Variants in TNKS2 observed in about 807,000 individuals in gnomAD.
The protein encoded by TNKS2 is poly [ADP-ribose] polymerase tankyrase-2.
TNKS2 carries 72 observed loss-of-function variants against 137.6 expected under a neutral mutation model. That is an observed-to-expected ratio of 0.52 (90% CI 0.43 to 0.64). TNKS2 has a LOEUF of 0.64. Among genes scored for constraint, TNKS2 ranks in the 30% least tolerant of loss-of-function variants. The probability of loss-of-function intolerance (pLI) is 0.00; values close to 1 mark genes in which losing one functional copy is unlikely to be tolerated. For synonymous variants in TNKS2, 516 were observed against 512.1 expected, an observed-to-expected ratio of 1.01 and a Z score of -0.10; for missense variants, 1,049 against 1,410.2, an observed-to-expected ratio of 0.74 and a Z score of 4.10.
Position 91,822,178 on chromosome 10 carries a change from C to T in TNKS2, c.729-118C>T, listed in dbSNP as rs538535223. 323 of 757,698 alleles carry T rather than the reference C, an allele frequency of 4.3e-4. 1 individual carries two copies. In the East Asian group the frequency reaches 8.3e-3, roughly 19 times the overall value. 46.9% of individuals were successfully genotyped at this position (757,698 alleles called of 1,614,324 possible). A position where few individuals can be genotyped will look rare whatever the true frequency, so the allele number is the denominator to read the frequency against. ...TAAATTTTGAACATTTTTATTAGAACATCACATAATCCATTTGCTATTTAA... is the reference window on the plus strand; with the variant it reads ...TAAATTTTGAACATTTTTATTAGAATATCACATAATCCATTTGCTATTTAA... On this transcript the variant is annotated intron_variant, in intron 6 of 26. Coordinates refer to ENST00000371627, the MANE Select transcript of TNKS2 (RefSeq NM_025235.4).
At position 91,855,011 on chromosome 10, in the gene TNKS2, T is replaced by C. The variant is rs1220251524; in HGVS notation, c.2816-18T>C. 4 of 1,415,694 alleles carry C rather than the reference T, an allele frequency of 2.8e-6. No homozygotes were observed. The highest frequency in any genetic ancestry group is 3.9e-6 in the Non-Finnish European group (4 of 1,014,144). The allele number at this position is 1,415,694 out of a possible 1,614,324, so 87.7% of individuals were successfully genotyped here. A position where few individuals can be genotyped will look rare whatever the true frequency, so the allele number is the denominator to read the frequency against. ...TTATTGGCAATTTATTTTTCTACCT[T>C]CAAATTTTGTTTCATAGGTCTTAAC... is the stretch of plus-strand genomic sequence containing the variant. On this transcript the variant is annotated intron_variant, in intron 21 of 26. Coordinates refer to ENST00000371627, the MANE Select transcript of TNKS2 (RefSeq NM_025235.4).
chr10:91,842,137 A>G, intron 15 of TNKS2, 35 bp from the exon 16 acceptor site: 3 of 1,510,010 alleles, frequency 2.0e-6, no homozygotes, highest in Non-Finnish European at 2.7e-6. Context: ...CATTTAAGCC[A>G]TTTCCCCCTT....
chr10:91,858,971 T>C (rs1340729098), intron 24 of TNKS2, among the ~76,000 whole-genome samples: 1 of 151,828 alleles, frequency 6.6e-6, no homozygotes, highest in South Asian at 2.1e-4. Flanking sequence ...ATCATGCCAC[T>C]GCACTCCAGC....
intron 3 of TNKS2, among the ~76,000 whole-genome samples, chr10:91,818,399 C>T (rs181181080): frequency 6.1e-4 from 92 of 152,008 alleles, no homozygotes; most frequent in African/African-American, 2.1e-3. Flanking sequence ...ATATTAGTGT[C>T]AAAAAATCTA....
In TNKS2 at chr10:91,862,950, A is replaced by G; in HGVS notation, c.3452A>G (p.Tyr1151Cys). ...TTTCTCTTCCAGGCTTATCCTGAGT[A>G]TTTAATTACTTACCAGATTATGAGG... Reference protein sequence around the residue: ...IYRGEQAYPEYLITYQIMRPE... With the variant: ...IYRGEQAYPECLITYQIMRPE... Residue 1151 changes from tyrosine to cysteine, a missense_variant, in exon 27 of 27, where the codon TAT (tyrosine) becomes TGT (cysteine). Physicochemically the swap from Tyr to Cys is radical, Grantham distance 194. This residue lies in a region of TNKS2 where 133 missense variants were observed against 248.4 expected (regional missense o/e 0.54). Transcript: ENST00000371627. 1 of 1,606,306 alleles carries G rather than the reference A, an allele frequency of 6.2e-7. No individual in the cohort carries two copies. The highest frequency in any genetic ancestry group is 8.5e-7 in the Non-Finnish European group (1 of 1,175,188).
At chr10:91,852,743 G>A (rs1456823166) in intron 21 of TNKS2, among the ~76,000 whole-genome samples, 1 of 152,188 alleles carries the variant, frequency 6.6e-6, no homozygotes, top group African/African-American at 2.4e-5. Flanking sequence ...AGGGAAGAAT[G>A]TATGCTAGCC....
intron 1 of TNKS2, among the ~76,000 whole-genome samples, chr10:91,808,974 T>C (rs1039351411): frequency 6.6e-6 from 1 of 152,150 alleles, no homozygotes; most frequent in Non-Finnish European, 1.5e-5. Flanking sequence ...CTTCCATTAC[T>C]GAGGCCAAAA....
chr10:91,803,359 A>G (rs1031710864), intron 1 of TNKS2, among the ~76,000 whole-genome samples: 7 of 152,196 alleles, frequency 4.6e-5, no homozygotes, highest in Non-Finnish European at 8.8e-5. Flanking sequence ...ACAAGAAAAT[A>G]GAAAAATGAG....
In TNKS2 at chr10:91,813,019, A is replaced by G. The variant is rs376514770; in HGVS notation, c.236A>G (p.Gln79Arg). 9.9e-6 allele frequency: 16 copies of G among 1,614,100 alleles called. No homozygotes were observed. Among genetic ancestry groups the G allele is most frequent in the Non-Finnish European group, 1.4e-5 (16 of 1,180,038 alleles). ...GRKDVVEYLL[Q>R]NGANVQARDD... ...AAAGACGTAGTTGAATATTTGCTTC[A>G]GAATGGTGCAAATGTCCAAGCACGT... Residue 79 changes from glutamine to arginine, a missense_variant, in exon 2 of 27, where the codon CAG becomes CGG. Gln to Arg is a conservative substitution (Grantham distance 43). Transcript: ENST00000371627.
chr10:91,838,063 T>C (rs1463708087), intron 13 of TNKS2, among the ~76,000 whole-genome samples: 1 of 149,128 alleles, frequency 6.7e-6, no homozygotes, highest in Non-Finnish European at 1.5e-5. Context: ...TTTTTTTTTT[T>C]TGCTGTTTGT....
intron 6 of TNKS2, 41 bp downstream of exon 6, chr10:91,820,074 C>A: frequency 1.6e-6 from 2 of 1,288,932 alleles, no homozygotes; most frequent in South Asian, 1.5e-5. Flanking sequence ...TAAATGTTAC[C>A]CTCTTCTTAA....
chr10:91,829,736 T>G (rs1371763778), intron 9 of TNKS2, among the ~76,000 whole-genome samples: 1 of 152,166 alleles, frequency 6.6e-6, no homozygotes, highest in African/African-American at 2.4e-5. Flanking sequence ...AAAGAATGGA[T>G]CTGCAGCAAA....
rs1258498632 is a variant in TNKS2, at chr10:91,864,204, A to G, written c.*1205A>G. 3.9e-5 allele frequency: 6 copies of G among 152,732 alleles called. No individual in the cohort carries two copies. The highest frequency in any genetic ancestry group is 1.9e-4 in the East Asian group (1 of 5,182). 9.5% of individuals were successfully genotyped at this position (152,732 alleles called of 1,614,324 possible). ...CTTCTTGCTCCTGGGTTTTCTCTCC[A>G]TGATGTTATGCCCAATTGGAAATAT... On this transcript the variant is annotated 3_prime_UTR_variant, in exon 27 of 27. Coordinates refer to ENST00000371627, the MANE Select transcript of TNKS2 (RefSeq NM_025235.4).
intron 8 of TNKS2, 99 bp from the exon 9 acceptor site, chr10:91,828,186 T>C: frequency 3.1e-6 from 4 of 1,278,538 alleles, no homozygotes; most frequent in Non-Finnish European, 4.1e-6. Context: ...TTTTGGAAGA[T>C]TATTTTGAAA....
At chr10:91,827,227 C>A (rs1247265650) in intron 8 of TNKS2, 24 bp downstream of exon 8, 4 of 1,471,116 alleles carry the variant, frequency 2.7e-6, no homozygotes, top group South Asian at 2.9e-5. Flanking sequence ...TATGAATGTT[C>A]AGGTAGGATA....
At chr10:91,812,144 A>G (rs946193504) in intron 1 of TNKS2, among the ~76,000 whole-genome samples, 4 of 151,984 alleles carry the variant, frequency 2.6e-5, no homozygotes, top group Non-Finnish European at 4.4e-5. Flanking sequence ...ATTGTAGACC[A>G]CTCCATCTGC....
intron 1 of TNKS2, among the ~76,000 whole-genome samples, chr10:91,804,620 T>G (rs1293928973): frequency 6.6e-6 from 1 of 152,234 alleles, no homozygotes; most frequent in Non-Finnish European, 1.5e-5. Flanking sequence ...AGTGAGAACA[T>G]GATCAGAATA....
chr10:91,861,613 G>C lies in TNKS2; in HGVS notation c.3282-386G>C, dbSNP rs1357377046. Among the ~76,000 whole-genome samples, 7 of 152,134 alleles carry C rather than the reference G, an allele frequency of 4.6e-5. No homozygotes were observed. In the South Asian group the frequency reaches 6.2e-4, roughly 13 times the overall value. On this transcript the variant is annotated intron_variant, in intron 25 of 26. Transcript: ENST00000371627. Reference sequence around the variant, plus strand: ...AAATGGATTTCAAATATATTTTGAAGGTAAAATCAACTGGAGTTAATTAGA... The same window carrying C: ...AAATGGATTTCAAATATATTTTGAACGTAAAATCAACTGGAGTTAATTAGA...
At chr10:91,832,568 C>T (rs1841845033) in intron 11 of TNKS2, among the ~76,000 whole-genome samples, 1 of 151,524 alleles carries the variant, frequency 6.6e-6, no homozygotes, top group Admixed American at 6.6e-5. Flanking sequence ...ATCCATTTTT[C>T]AGGCCCTGTA....
Sources: gnomAD v4.1 joint callset for allele counts (sites outside exome capture counted in the v4.1 genomes callset) on GRCh38, gnomAD v4.1.1 for gene constraint, gnomAD v4.1.1 regional missense constraint, MANE v1.5 for transcripts, NCBI Gene and HGNC (gene_info 2026-07-23, HGNC 2026-07-21) for gene names.